SEMA4D: variants seen among roughly 807,000 people sequenced by gnomAD.
SEMA4D encodes the protein semaphorin 4D.
A neutral mutation model predicts 74.8 loss-of-function variants in SEMA4D; 22 were observed. That is an observed-to-expected ratio of 0.29 (90% confidence interval 0.21 to 0.42). The LOEUF is 0.42. Among genes scored for constraint, SEMA4D ranks in the 10% least tolerant of loss-of-function variants. SEMA4D has a pLI of 1.00. For synonymous variants in SEMA4D, 445 were observed against 463.7 expected, an observed-to-expected ratio of 0.96 and a Z score of 0.52; for missense variants, 937 against 1,118.4, an observed-to-expected ratio of 0.84 and a Z score of 2.31.
chr9:89,496,208 G>C (rs1826001792), intron 1 of SEMA4D, among the ~76,000 whole-genome samples: 1 of 152,234 alleles, frequency 6.6e-6, no homozygotes, highest in East Asian at 1.9e-4. Flanking sequence ...GTGCAAGGCT[G>C]CATTTTCAAC....
In SEMA4D at chr9:89,363,431, C is replaced by T. The variant is rs1323789887; in HGVS notation, c.2189G>A (p.Trp730Ter). 4.3e-6 allele frequency: 7 copies of T among 1,612,822 alleles called. No individual in the cohort carries two copies. Among genetic ancestry groups the T allele is most frequent in the Non-Finnish European group, 5.9e-6 (7 of 1,179,968 alleles). ...CTTTGCCCGGCTGCGGCCACTTACC[C>T]ACGCCTTCCTCCAGCTCTGCATCAT... Residue 730 changes from tryptophan to a stop codon, truncating the protein, a stop_gained and splice_region_variant, in exon 18 of 19, where the codon TGG (tryptophan) becomes TAG (stop). Transcript: ENST00000339861. LOFTEE classifies it high-confidence loss of function.
At chr9:89,445,841 C>T (rs1273558249) in intron 2 of SEMA4D, among the ~76,000 whole-genome samples, 3 of 152,170 alleles carry the variant, frequency 2.0e-5, no homozygotes, top group Non-Finnish European at 4.4e-5. Flanking sequence ...ACGCCATACC[C>T]AGGCCTCAGG....
chr9:89,383,324 C>T (rs138494064), intron 13 of SEMA4D, among the ~76,000 whole-genome samples: 144 of 152,326 alleles, frequency 9.5e-4, no homozygotes, highest in African/African-American at 2.7e-3. Context: ...TGGAAAAAGA[C>T]GGTGGTGACT....
intron 2 of SEMA4D, among the ~76,000 whole-genome samples, chr9:89,407,800 G>A (rs1178548493): frequency 1.3e-5 from 2 of 152,192 alleles, no homozygotes; most frequent in East Asian, 1.9e-4. Flanking sequence ...CCCTCTGCAT[G>A]GCTGTGTAAC....
At chr9:89,426,585 C>T (rs1264561956) in intron 2 of SEMA4D, among the ~76,000 whole-genome samples, 2 of 152,136 alleles carry the variant, frequency 1.3e-5, no homozygotes, top group East Asian at 3.9e-4. Flanking sequence ...AGGATGTTCG[C>T]CATTTCATCA....
rs560306542 is a variant in SEMA4D, at chr9:89,379,588, C to T, written c.1705G>A (p.Gly569Ser). 5.6e-6 allele frequency: 9 copies of T among 1,611,882 alleles called. No individual in the cohort carries two copies. The highest frequency in any genetic ancestry group is 5.3e-5 in the African/African-American group (4 of 74,818). ...GSYRQHFFKH[G>S]GTAELKCSQK... The stretch of plus-strand genomic sequence containing the variant: ...GAGCATTTCAGTTCCGCTGTGCCAC[C>T]GTGCTTGAAAAAATGCTGCCGGTAA... The change falls in exon 16 of 16, where the codon GGT becomes AGT. Residue 569 changes from glycine (G) to serine (S), a missense_variant. Coordinates refer to ENST00000422704, the MANE Select transcript of SEMA4D (RefSeq NM_001371194.2).
chr9:89,465,562 A>G (rs1323246158), intron 1 of SEMA4D, among the ~76,000 whole-genome samples: 1 of 152,232 alleles, frequency 6.6e-6, no homozygotes, highest in Non-Finnish European at 1.5e-5. Context: ...ACAACATTGC[A>G]AATGTACTAA....
chr9:89,462,869 G>T (rs947938997), intron 1 of SEMA4D, among the ~76,000 whole-genome samples: 6 of 72,894 alleles, frequency 8.2e-5, no homozygotes, highest in African/African-American at 2.7e-4. Context: ...ACATGAGCCT[G>T]GGAGTTTGAG....
intron 6 of SEMA4D, among the ~76,000 whole-genome samples, chr9:89,394,599 C>T (rs754462506): frequency 5.3e-5 from 8 of 152,222 alleles, no homozygotes; most frequent in African/African-American, 7.2e-5. Context: ...GCAGGGCCCA[C>T]GGCGGGGCAA....
chr9:89,438,158 T>C (rs1353477109), intron 2 of SEMA4D, among the ~76,000 whole-genome samples: 3 of 152,222 alleles, frequency 2.0e-5, no homozygotes, highest in Admixed American at 6.5e-5. Context: ...AGGTGCACTG[T>C]AGAGAATACT....
intron 2 of SEMA4D, among the ~76,000 whole-genome samples, chr9:89,413,650 T>G (rs1276393930): frequency 1.3e-5 from 2 of 152,268 alleles, no homozygotes; most frequent in Non-Finnish European, 2.9e-5. Flanking sequence ...TGTACACCTG[T>G]GTGAGTGCAT....
intron 1 of SEMA4D, among the ~76,000 whole-genome samples, chr9:89,478,454 C>T (rs1862309881): frequency 1.3e-5 from 2 of 152,108 alleles, no homozygotes; most frequent in Non-Finnish European, 2.9e-5. Context: ...CTGCTGACAC[C>T]TTGATTTTTA....
At chr9:89,438,643 G>A (rs1850981691) in intron 2 of SEMA4D, among the ~76,000 whole-genome samples, 1 of 152,162 alleles carries the variant, frequency 6.6e-6, no homozygotes, top group African/African-American at 2.4e-5. Flanking sequence ...TCTTTGACTA[G>A]AATCAAATAC....
intron 2 of SEMA4D, among the ~76,000 whole-genome samples, chr9:89,440,065 G>A (rs906282334): frequency 3.3e-5 from 5 of 152,126 alleles, no homozygotes; most frequent in African/African-American, 4.8e-5. Flanking sequence ...TCCCACCAAG[G>A]GCAGTCCACA....
intron 4 of SEMA4D, among the ~76,000 whole-genome samples, chr9:89,399,977 T>C (rs1321483576): frequency 1.7e-5 from 2 of 119,158 alleles, no homozygotes; most frequent in African/African-American, 6.5e-5. Flanking sequence ...CAGCCTCGTG[T>C]GCCTGGGCAA....
At chr9:89,448,186 G>A (rs1035722794) in intron 2 of SEMA4D, among the ~76,000 whole-genome samples, 4 of 152,236 alleles carry the variant, frequency 2.6e-5, no homozygotes, top group African/African-American at 7.2e-5. Flanking sequence ...ATGTTGCCCA[G>A]GCTGGTCTCA....
chr9:89,401,919 G>A (rs972874413), intron 4 of SEMA4D, among the ~76,000 whole-genome samples: 2 of 150,800 alleles, frequency 1.3e-5, no homozygotes, highest in Non-Finnish European at 1.5e-5. Context: ...TCTAGACTTC[G>A]CTGGTCAAAG....
chr9:89,379,608 C>T lies in SEMA4D; in HGVS notation c.1685G>A (p.Arg562Gln), dbSNP rs765500863. 85 of 1,610,192 alleles carry T rather than the reference C, an allele frequency of 5.3e-5. No individual in the cohort carries two copies. The highest frequency in any genetic ancestry group is 7.7e-5 in the South Asian group (7 of 90,816). ...VCPDKSKGSY[R>Q]QHFFKHGGTA... is the part of the protein sequence containing the mutation. Reference sequence around the variant, plus strand: ...GCCACCGTGCTTGAAAAAATGCTGCCGGTAACTTCCTTTACTTTTATCTGG... The same window carrying T: ...GCCACCGTGCTTGAAAAAATGCTGCTGGTAACTTCCTTTACTTTTATCTGG... The change falls in exon 16 of 16, where the codon CGG (arginine) becomes CAG (glutamine). Residue 562 changes from arginine to glutamine, a missense_variant. Physicochemically the swap from Arg to Gln is conservative, Grantham distance 43 (BLOSUM62 1). Transcript: ENST00000422704.
At chr9:89,376,825 C>T, downstream of SEMA4D, 1 of 1,546,192 alleles carries the variant, frequency 6.5e-7, no homozygotes. Context: ...AGAGAGGGCC[C>T]AACTCACCTG....
Sources: allele counts gnomAD v4.1 joint callset (sites outside exome capture counted in the v4.1 genomes callset), GRCh38; gene constraint gnomAD v4.1.1; transcripts MANE v1.5; gene names NCBI Gene and HGNC (gene_info 2026-07-23, HGNC 2026-07-21).